AGL: variants seen among roughly 807,000 people sequenced by gnomAD.
The protein encoded by AGL is glycogen debranching enzyme.
A neutral mutation model predicts 199.3 loss-of-function variants in AGL; 128 were observed. The observed-to-expected ratio is 0.64, with a 90% CI of 0.56 to 0.74. The LOEUF (loss-of-function observed/expected upper bound fraction) is 0.74, where lower values mean the gene tolerates loss of function less well. Ranked by LOEUF, AGL falls within the 30% of genes least tolerant of loss-of-function variation. AGL has a pLI of 0.00. For synonymous variants in AGL, 584 were observed against 594.7 expected (o/e 0.98, Z 0.26); for missense variants, 1,809 against 1,820.8 (o/e 0.99, Z 0.12).
chr1:99,903,791 G>A (rs1027722762), intron 27 of AGL, among the ~76,000 whole-genome samples: 1 of 152,114 alleles, frequency 6.6e-6, no homozygotes, highest in South Asian at 2.1e-4. Context: ...ATCCTCTCCA[G>A]CACCTGTTGT....
chr1:99,865,166 AAT>A (rs368617211), intron 5 of AGL, among the ~76,000 whole-genome samples: 2 of 150,990 alleles, frequency 1.3e-5, no homozygotes, highest in African/African-American at 2.4e-5. Context: ...AAAATATCAA[AAT>A]ATATATATAT....
At chr1:99,886,487 GAAAAA>G (rs11298471) in intron 20 of AGL, among the ~76,000 whole-genome samples, 2 of 148,190 alleles carry the variant, frequency 1.3e-5, no homozygotes, top group South Asian at 4.2e-4. Context: ...CCTGTCTCTA[GAAAAA>G]AAAAAAGAGA....
chr1:99,889,104 G>A (rs1458931690), intron 21 of AGL, among the ~76,000 whole-genome samples: 1 of 151,984 alleles, frequency 6.6e-6, no homozygotes, highest in Non-Finnish European at 1.5e-5. Context: ...CTGCAAAATG[G>A]TACCTACCAC....
intron 12 of AGL, among the ~76,000 whole-genome samples, chr1:99,879,514 G>A (rs998182357): frequency 6.6e-6 from 1 of 152,068 alleles, no homozygotes; most frequent in African/African-American, 2.4e-5. Context: ...AACCTGGGAG[G>A]CGGAGGTTGT....
Position 99,913,592 on chromosome 1 carries a change from T to G in AGL, c.4015T>G (p.Phe1339Val). The G allele has an allele frequency of 6.2e-7, 1 of 1,614,084 alleles. No individual in the cohort carries two copies. The highest frequency in any genetic ancestry group is 8.5e-7 in the Non-Finnish European group (1 of 1,179,992). Reference protein sequence around the residue: ...RKIQDNFEKLFHVSEDPSDLN... With the variant: ...RKIQDNFEKLVHVSEDPSDLN... ...AATACAAGACAACTTTGAAAAGCTA[T>G]TTCATGTTTCCGAAGACCCTTCAGA... Residue 1339 changes from phenylalanine to valine, a missense_variant, in exon 30 of 34, where the codon TTT becomes GTT. Phe to Val is a conservative substitution (Grantham distance 50). Transcript: ENST00000361915.
intron 25 of AGL, among the ~76,000 whole-genome samples, chr1:99,898,197 C>G (rs1025323764): frequency 2.0e-5 from 3 of 152,102 alleles, no homozygotes; most frequent in Non-Finnish European, 2.9e-5. Context: ...CAGGCGCCCG[C>G]CACCACACCC....
intron 10 of AGL, among the ~76,000 whole-genome samples, chr1:99,875,937 C>T (rs763759213): frequency 2.6e-4 from 39 of 152,088 alleles, no homozygotes; most frequent in Non-Finnish European, 5.0e-4. Flanking sequence ...TGCAGTGGCA[C>T]GATCTCAGCT....
rs112203244 is a variant in AGL at position 99,917,273 on chromosome 1, C to G, written c.4481+542C>G. On this transcript the variant is annotated intron_variant, in intron 33 of 33. Transcript: ENST00000361915. ...TAATTCCTCAAATTTTAGATTATAC[C>G]TAAGTATATCTATATTCTATTCCTC... Among the ~76,000 whole-genome samples the G allele has an allele frequency of 7.2e-5, 11 of 151,960 alleles. 1 individual carries two copies. The highest frequency in any genetic ancestry group is 2.4e-4 in the African/African-American group (10 of 41,434).
intron 2 of AGL, among the ~76,000 whole-genome samples, chr1:99,857,202 A>G (rs1649570985): frequency 6.6e-6 from 1 of 151,640 alleles, no homozygotes; most frequent in Non-Finnish European, 1.5e-5. Context: ...GGCGCTCCTC[A>G]CATCCCAGAC....
At chr1:99,899,585 C>G (rs1007212849) in intron 25 of AGL, among the ~76,000 whole-genome samples, 2 of 138,522 alleles carry the variant, frequency 1.4e-5, no homozygotes, top group African/African-American at 5.3e-5. Flanking sequence ...TCCCTCTCTC[C>G]TTCCTTCCTT....
At chr1:99,861,033 G>A (rs183443865) in intron 2 of AGL, among the ~76,000 whole-genome samples, 18 of 152,220 alleles carry the variant, frequency 1.2e-4, no homozygotes, top group African/African-American at 3.9e-4. Context: ...AGTATGGTGA[G>A]ATAATAGTCC....
chr1:99,904,717 AT>A (rs1191464787), intron 27 of AGL, among the ~76,000 whole-genome samples: 197 of 152,338 alleles, frequency 1.3e-3, no homozygotes, highest in African/African-American at 4.7e-3. Flanking sequence ...CATGTTCTAT[AT>A]AACCTTCTGA....
chr1:99,856,488 G>A (rs529227074), intron 2 of AGL, among the ~76,000 whole-genome samples: 49 of 147,490 alleles, frequency 3.3e-4, no homozygotes, highest in Non-Finnish European at 6.1e-4. Flanking sequence ...GGTGTTTCTC[G>A]CAGAGGGGGA....
At chr1:99,901,220 C>T (rs1379875373) in intron 26 of AGL, among the ~76,000 whole-genome samples, 1 of 151,414 alleles carries the variant, frequency 6.6e-6, no homozygotes, top group Non-Finnish European at 1.5e-5. Context: ...GTAGGACTTT[C>T]GGAGAGATGG....
chr1:99,864,222 TGGTACAGTTA>T (rs1318496166), intron 4 of AGL, among the ~76,000 whole-genome samples, 154 bp from the exon 5 acceptor site: 2 of 152,252 alleles, frequency 1.3e-5, no homozygotes, highest in Non-Finnish European at 1.5e-5. Context: ...AAGTCTCTTG[TGGTACAGTTA>T]GGATTTGAAC....
At chr1:99,913,473 A>T (rs1654896753) in intron 29 of AGL, 54 bp from the exon 30 acceptor site, 1 of 1,341,510 alleles carries the variant, frequency 7.5e-7, no homozygotes, top group Non-Finnish European at 1.1e-6. Context: ...CTGTAACTAG[A>T]TGTGTGAATT....
At chr1:99,909,874 T>C (rs902063484) in intron 27 of AGL, among the ~76,000 whole-genome samples, 1 of 152,206 alleles carries the variant, frequency 6.6e-6, no homozygotes, top group African/African-American at 2.4e-5. Flanking sequence ...TCTGTAGTTA[T>C]GTGTGTTTGA....
At chr1:99,859,611 G>A (rs917482396) in intron 2 of AGL, among the ~76,000 whole-genome samples, 2 of 151,862 alleles carry the variant, frequency 1.3e-5, no homozygotes, top group African/African-American at 2.4e-5. Context: ...GCAGTGGTGC[G>A]ATCCTAGCTC....
rs557030085 is a variant in AGL at position 99,863,128 on chromosome 1, C to T, written c.460+705C>T. On this transcript the variant is annotated intron_variant, in intron 4 of 33. Transcript: ENST00000361915. ...CTAATTTTTGTATTTTTAGTAGAGA[C>T]GGGGTTTCACCATGTTGGCCAGGCT... Among the ~76,000 whole-genome samples the T allele has an allele frequency of 5.9e-5, 9 of 151,864 alleles. No homozygotes were observed. The East Asian group carries it at 1.2e-3, about 20-fold the overall frequency.
Sources: allele counts gnomAD v4.1 joint callset (sites outside exome capture counted in the v4.1 genomes callset), GRCh38; gene constraint gnomAD v4.1.1; transcripts MANE v1.5; gene names NCBI Gene and HGNC (gene_info 2026-07-23, HGNC 2026-07-21).